The following HMX1 variants were observed in gnomAD, a reference collection of about 807,000 sequenced individuals.
HMX1 encodes the protein homeobox protein HMX1.
HMX1 carries 8 observed loss-of-function variants against 8.9 expected under a neutral mutation model. That is an observed-to-expected ratio of 0.90 (90% CI 0.53 to 1.63). HMX1 has a LOEUF of 1.63. Among genes scored for constraint, HMX1 ranks in the 40% most tolerant of loss-of-function variants. The probability of loss-of-function intolerance (pLI) is 0.00; values close to 1 mark genes in which losing one functional copy is unlikely to be tolerated. For synonymous variants in HMX1, 311 were observed against 283.4 expected (o/e 1.10, Z -0.98); for missense variants, 621 against 558.5 (o/e 1.11, Z -1.13).
chr4:8,867,369 C>T lies in HMX1; in HGVS notation c.*324G>A. ...CTGGGCTTGGCCTGAGGGCAGCTGC[C>T]CCGGGTGGCCATGGCCGACCGCTCC... On this transcript the variant is annotated 3_prime_UTR_variant, in exon 2 of 2. Coordinates refer to ENST00000400677, the MANE Select transcript of HMX1 (RefSeq NM_018942.3). The T allele has an allele frequency of 9.7e-7, 1 of 1,034,704 alleles. No homozygotes were observed. Among genetic ancestry groups the T allele is most frequent in the East Asian group, 8.0e-5 (1 of 12,446 alleles). The allele number at this position is 1,034,704 out of a possible 1,614,324, so 64.1% of individuals were successfully genotyped here.
chr4:8,859,952 T>C (rs189222430), intron 1 of HMX1, among the ~76,000 whole-genome samples: 41 of 152,346 alleles, frequency 2.7e-4, no homozygotes, highest in Middle Eastern at 6.8e-3. Flanking sequence ...CACCATGTTG[T>C]TGGGAGCAAG....
At chr4:8,856,535 G>A (rs1324839412) in intron 1 of HMX1, among the ~76,000 whole-genome samples, 1 of 152,166 alleles carries the variant, frequency 6.6e-6, no homozygotes, top group African/African-American at 2.4e-5. Flanking sequence ...AATTTAAACC[G>A]TTTAGGCGTC....
chr4:8,855,478 G>A (rs1721582306), intron 1 of HMX1, among the ~76,000 whole-genome samples: 2 of 152,314 alleles, frequency 1.3e-5, no homozygotes, highest in African/African-American at 2.4e-5. Context: ...GACTGCTGGG[G>A]GCCAGGCGGG....
chr4:8,846,236 A>G, exon 2 of HMX1: 1 of 1,532,842 alleles, frequency 6.5e-7, no homozygotes, highest in South Asian at 1.2e-5. Flanking sequence ...AGAGGCTCCC[A>G]CTGTCACTTC....
intron 1 of HMX1, among the ~76,000 whole-genome samples, chr4:8,858,428 G>T (rs1721685777): frequency 6.6e-6 from 1 of 152,214 alleles, no homozygotes; most frequent in South Asian, 2.1e-4. Context: ...GGCCGGCGCG[G>T]CTGGGGATGC....
intron 1 of HMX1, among the ~76,000 whole-genome samples, chr4:8,850,577 C>T (rs778500205): frequency 6.6e-6 from 1 of 152,178 alleles, no homozygotes; most frequent in Non-Finnish European, 1.5e-5. Context: ...CCACAGCATC[C>T]GCACCTCACC....
downstream of HMX1, among the ~76,000 whole-genome samples, chr4:8,863,804 G>A (rs1268179010): frequency 6.6e-6 from 1 of 152,260 alleles, no homozygotes; most frequent in Non-Finnish European, 1.5e-5. Flanking sequence ...GGCCCAGGTC[G>A]GCCTCCAGGA....
chr4:8,860,649 C>T (rs1256226873), intron 1 of HMX1: 4 of 152,312 alleles, frequency 2.6e-5, no homozygotes, highest in Non-Finnish European at 5.9e-5. Context: ...GTGTCTCCAC[C>T]TGCGCGCCTC....
downstream of HMX1, among the ~76,000 whole-genome samples, chr4:8,865,025 C>T (rs1219101880): frequency 6.6e-6 from 1 of 152,214 alleles, no homozygotes; most frequent in Non-Finnish European, 1.5e-5. Context: ...TCCCTAGTAG[C>T]CAGAGTGGAC....
At chr4:8,858,168 TAAGA>T (rs1721676436) in intron 1 of HMX1, among the ~76,000 whole-genome samples, 1 of 151,732 alleles carries the variant, frequency 6.6e-6, no homozygotes, top group African/African-American at 2.4e-5. Flanking sequence ...TTTCGCGATT[TAAGA>T]AACAAACCCA....
intron 1 of HMX1, chr4:8,858,629 G>C (rs1470178800): frequency 2.6e-5 from 4 of 152,198 alleles, no homozygotes; most frequent in Non-Finnish European, 5.9e-5. Context: ...AGGCCCCCGG[G>C]CGGCCGGGGC....
chr4:8,871,333 G>A lies in HMX1; in HGVS notation c.282C>T (p.Leu94=), dbSNP rs558790842. ...CGGGACCGGGGGGCGGCCGAGGACC[G>A]AGGCCCAGCGCGCCCGGCCCGAGCA... The part of the protein sequence containing the change: ...RALLGPGALG[L]GPRPPPGPGP... The change falls in exon 1 of 2, where the codon CTC becomes CTT. Residue 94 remains leucine, a synonymous_variant. Transcript: ENST00000400677. The surrounding 1 kb of genome is among the most constrained non-coding windows in gnomAD (Gnocchi z 4.8). 40 of 1,316,430 alleles carry A rather than the reference G, an allele frequency of 3.0e-5. No individual in the cohort carries two copies. The African/African-American group carries it at 5.6e-4, about 19-fold the overall frequency. The allele number at this position is 1,316,430 out of a possible 1,614,324, so 81.5% of individuals were successfully genotyped here. A position where few individuals can be genotyped will look rare whatever the true frequency, so the allele number is the denominator to read the frequency against.
rs1272858492 is a variant in HMX1 at position 8,868,900 on chromosome 4, C to T, written c.395-555G>A. 2.6e-5 allele frequency among the ~76,000 whole-genome samples: 4 copies of T among 152,154 alleles called. No homozygotes were observed. The highest frequency in any genetic ancestry group is 9.7e-5 in the African/African-American group (4 of 41,426). On this transcript the variant is annotated intron_variant, in intron 1 of 1. Coordinates refer to ENST00000400677, the MANE Select transcript of HMX1 (RefSeq NM_018942.3). This position sits in a 1 kb window ranked among gnomAD's most constrained non-coding sequence, Gnocchi z 4.6. Reference sequence around the variant, plus strand: ...CACAGGCCTCTTCCCGCGCCCTCTGCCCGCTTGCACAGAAACATTCCATAG... The same window carrying T: ...CACAGGCCTCTTCCCGCGCCCTCTGTCCGCTTGCACAGAAACATTCCATAG...
At position 8,867,894 on chromosome 4, in the gene HMX1, C is replaced by A; in HGVS notation, c.846G>T (p.Val282=). The A allele has an allele frequency of 7.3e-7, 1 of 1,368,340 alleles. No individual in the cohort carries two copies. Among genetic ancestry groups the A allele is most frequent in the African/African-American group, 1.5e-5 (1 of 66,266 alleles). The allele number at this position is 1,368,340 out of a possible 1,614,324, so 84.8% of individuals were successfully genotyped here. A position where few individuals can be genotyped will look rare whatever the true frequency, so the allele number is the denominator to read the frequency against. ...SPPGAQRLVR[V]PVLYHESPPA... ...GGGGGCTTTCGTGGTAGAGCACCGGCACGCGGACCAGGCGCTGCGCTCCCG... is the reference window on the plus strand; with the variant it reads ...GGGGGCTTTCGTGGTAGAGCACCGGAACGCGGACCAGGCGCTGCGCTCCCG... The change falls in exon 2 of 2, where the codon GTG becomes GTT. Residue 282 remains valine, a synonymous_variant. Coordinates refer to ENST00000400677, the MANE Select transcript of HMX1 (RefSeq NM_018942.3).
At position 8,848,210 on chromosome 4, in the gene HMX1, A is replaced by C. The variant is rs1721334031; in HGVS notation, c.395-1886T>G. Among the ~76,000 whole-genome samples the C allele has an allele frequency of 6.6e-6, 1 of 152,230 alleles. No individual in the cohort carries two copies. Among genetic ancestry groups the C allele is most frequent in the Non-Finnish European group, 1.5e-5 (1 of 68,042 alleles). ...AAAAATGCATACTTTTGTGCTCTCC[A>C]AAGAGAGTCCGAAACATGTAAAGCA... On this transcript the variant is annotated intron_variant, in intron 1 of 1. Coordinates refer to the HMX1 transcript ENST00000506970. This position sits in a 1 kb window ranked among gnomAD's most constrained non-coding sequence, Gnocchi z 4.1.
downstream of HMX1, among the ~76,000 whole-genome samples, chr4:8,862,223 A>G (rs918664797): frequency 8.5e-5 from 13 of 152,250 alleles, no homozygotes; most frequent in African/African-American, 3.1e-4. Flanking sequence ...CGAACATTCT[A>G]GCTAAGTAGA....
rs1356972733 is a variant in HMX1 at position 8,868,256 on chromosome 4, G to C, written c.484C>G (p.Arg162Gly). The C allele has an allele frequency of 5.5e-6, 8 of 1,446,676 alleles. No homozygotes were observed. Among genetic ancestry groups the C allele is most frequent in the Non-Finnish European group, 7.2e-6 (8 of 1,106,982 alleles). 89.6% of individuals were successfully genotyped at this position (1,446,676 alleles called of 1,614,324 possible). Reference protein sequence around the residue: ...PRGPGPGAVQREAAELAARGP... With the variant: ...PRGPGPGAVQGEAAELAARGP... ...CGCGCCGCCAGCTCCGCTGCCTCCC[G>C]CTGCACCGCTCCCGGCCCGGGGCCT... is the stretch of plus-strand genomic sequence containing the variant. The change falls in exon 2 of 2, where the codon CGG becomes GGG. Residue 162 changes from arginine (R) to glycine (G), a missense_variant. Coordinates refer to ENST00000400677, the MANE Select transcript of HMX1 (RefSeq NM_018942.3). This position sits in a 1 kb window ranked among gnomAD's most constrained non-coding sequence, Gnocchi z 4.6.
chr4:8,849,800 G>C lies in HMX1; in HGVS notation c.395-3476C>G, dbSNP rs1189114921. ...ACCCTCACAGGAGGTCTCTGAGCTG[G>C]AACAGCCCCTCCGGGCATCGGGTGT... On this transcript the variant is annotated intron_variant, in intron 1 of 1. Transcript: ENST00000506970. The surrounding 1 kb of genome is among the most constrained non-coding windows in gnomAD (Gnocchi z 6.6). 3.3e-5 allele frequency among the ~76,000 whole-genome samples: 5 copies of C among 152,210 alleles called. No individual in the cohort carries two copies. Among genetic ancestry groups the C allele is most frequent in the African/African-American group, 4.8e-5 (2 of 41,472 alleles).
chr4:8,858,973 G>C (rs1316659850), intron 1 of HMX1: 1 of 152,298 alleles, frequency 6.6e-6, no homozygotes, highest in East Asian at 1.9e-4. Flanking sequence ...CTTGTGGTGG[G>C]GTGTGCCCTC....
Sources: gnomAD v4.1 joint callset for allele counts (sites outside exome capture counted in the v4.1 genomes callset) on GRCh38, gnomAD v4.1.1 for gene constraint, Gnocchi (gnomAD v3.1) non-coding constraint, MANE v1.5 for transcripts, NCBI Gene and HGNC (gene_info 2026-07-23, HGNC 2026-07-21) for gene names.